Variants in PRELID2 observed in about 807,000 individuals in gnomAD.
PRELID2 encodes PRELI domain containing 2, also known as PRELI domain-containing protein 2.
Under a neutral mutation model 28.4 loss-of-function variants are expected in PRELID2, and 25 were observed. The ratio of observed to expected loss-of-function variants is 0.88; its 90% CI spans 0.64 to 1.23. PRELID2 has a LOEUF of 1.23. Ranked by LOEUF, PRELID2 falls within the 50% of genes most tolerant of loss-of-function variation. The pLI is 0.00. For synonymous variants in PRELID2, 76 were observed against 71.6 expected (o/e 1.06, Z -0.31); for missense variants, 201 against 214.4 (o/e 0.94, Z 0.39).
chr5:145,763,259 T>C (rs2149767305), intron 6 of PRELID2, among the ~76,000 whole-genome samples: 1 of 152,324 alleles, frequency 6.6e-6, no homozygotes, highest in South Asian at 2.1e-4. Flanking sequence ...TTAGTGAGCC[T>C]CACAAATATG....
the PRELID2 span, among the ~76,000 whole-genome samples, chr5:145,279,681 G>C: frequency 6.6e-6 from 1 of 152,010 alleles, no homozygotes; most frequent in Non-Finnish European, 1.5e-5. Flanking sequence ...CCAATTTTTA[G>C]TTTTTCAATT....
the PRELID2 span, among the ~76,000 whole-genome samples, chr5:145,385,417 G>A: frequency 2.6e-5 from 4 of 152,134 alleles, no homozygotes; most frequent in East Asian, 7.7e-4. Context: ...TGCAGAAAAT[G>A]CCTTTGGAAG....
chr5:145,449,432 C>A, the PRELID2 span, among the ~76,000 whole-genome samples: 7 of 152,062 alleles, frequency 4.6e-5, no homozygotes, highest in African/African-American at 1.7e-4. Flanking sequence ...CAGTTGAACT[C>A]CCCTCAATGT....
intron 1 of PRELID2, among the ~76,000 whole-genome samples, chr5:145,529,124 T>C (rs1032595093): frequency 2.0e-5 from 3 of 152,192 alleles, no homozygotes; most frequent in Admixed American, 1.3e-4. Context: ...TATAATGAAA[T>C]ATTGTGAAAC....
chr5:145,816,289 C>T (rs1423819103), intron 4 of PRELID2, among the ~76,000 whole-genome samples: 6 of 151,764 alleles, frequency 4.0e-5, no homozygotes, highest in Non-Finnish European at 8.8e-5. Flanking sequence ...TGCCATGTGA[C>T]TAGGGTGGTC....
chr5:145,384,387 T>A, the PRELID2 span, among the ~76,000 whole-genome samples: 2 of 152,172 alleles, frequency 1.3e-5, no homozygotes, highest in South Asian at 4.2e-4. Flanking sequence ...GGATACAAAC[T>A]CTAATATATT....
intron 3 of PRELID2, 142 bp from the exon 4 acceptor site, chr5:145,818,196 CGTTT>C: frequency 1.2e-6 from 1 of 827,034 alleles, no homozygotes; most frequent in Admixed American, 2.8e-5. Flanking sequence ...AGTGGCTGTA[CGTTT>C]TTGATAATCA....
At chr5:145,767,208 C>A (rs1165154458) in intron 5 of PRELID2, among the ~76,000 whole-genome samples, 3 of 147,178 alleles carry the variant, frequency 2.0e-5, no homozygotes, top group Admixed American at 1.4e-4. Context: ...GGAGAAGAAG[C>A]AGCTGGACAT....
the PRELID2 span, among the ~76,000 whole-genome samples, chr5:145,256,810 T>G: frequency 9.9e-5 from 15 of 151,874 alleles, 1 homozygote; most frequent in Middle Eastern, 3.2e-3. Context: ...GAAAAGTAGT[T>G]GAGGCTAAAA....
the PRELID2 span, among the ~76,000 whole-genome samples, chr5:145,331,309 G>A: frequency 6.6e-6 from 1 of 152,146 alleles, no homozygotes; most frequent in African/African-American, 2.4e-5. Context: ...CAAGAGCTGA[G>A]TTCATGTCCT....
chr5:145,735,606 A>G (rs1756475271), intron 1 of PRELID2, among the ~76,000 whole-genome samples: 1 of 152,244 alleles, frequency 6.6e-6, no homozygotes, highest in African/African-American at 2.4e-5. Flanking sequence ...TTAGCATTAC[A>G]TGACATTACT....
At chr5:145,731,693 T>C (rs1037848113) in intron 1 of PRELID2, among the ~76,000 whole-genome samples, 2 of 152,214 alleles carry the variant, frequency 1.3e-5, no homozygotes, top group African/African-American at 2.4e-5. Flanking sequence ...AAAAGAGTTT[T>C]TGTCTCCATT....
the PRELID2 span, among the ~76,000 whole-genome samples, chr5:145,414,144 T>C: frequency 2.0e-5 from 3 of 152,150 alleles, no homozygotes; most frequent in South Asian, 6.2e-4. Flanking sequence ...CAATATACCA[T>C]ATCCCTTCCT....
chr5:145,539,095 GA>G (rs1752726192), intron 1 of PRELID2, among the ~76,000 whole-genome samples: 2 of 151,880 alleles, frequency 1.3e-5, no homozygotes, highest in African/African-American at 2.4e-5. Flanking sequence ...TAAGACAGCC[GA>G]AACAAGGAGC....
the PRELID2 span, among the ~76,000 whole-genome samples, chr5:145,255,870 T>C: frequency 6.6e-6 from 1 of 150,512 alleles, no homozygotes; most frequent in Non-Finnish European, 1.5e-5. Flanking sequence ...TATCAAATTG[T>C]AAAATATACA....
At chr5:145,263,074 G>A in the PRELID2 span, among the ~76,000 whole-genome samples, 1 of 151,770 alleles carries the variant, frequency 6.6e-6, no homozygotes, top group Non-Finnish European at 1.5e-5. Context: ...TTTAACAGCA[G>A]TTAAAAAAGA....
chr5:145,474,595 T>A (rs1561490082), intron 1 of PRELID2, among the ~76,000 whole-genome samples: 1 of 152,114 alleles, frequency 6.6e-6, no homozygotes, highest in African/African-American at 2.4e-5. Context: ...CCAATTATCC[T>A]CCTAAGCAGT....
chr5:145,296,876 T>A, the PRELID2 span, among the ~76,000 whole-genome samples: 1 of 152,218 alleles, frequency 6.6e-6, no homozygotes, highest in Non-Finnish European at 1.5e-5. Flanking sequence ...TTTTTAATGA[T>A]TGTCATTCTA....
chr5:145,594,291 T>A (rs564302436), intron 1 of PRELID2, among the ~76,000 whole-genome samples: 1 of 152,316 alleles, frequency 6.6e-6, no homozygotes, highest in African/African-American at 2.4e-5. Flanking sequence ...AATGAGTTTA[T>A]CTTTTATCAT....
Sources: gnomAD v4.1 joint callset for allele counts (sites outside exome capture counted in the v4.1 genomes callset) on GRCh38, gnomAD v4.1.1 for gene constraint, MANE v1.5 for transcripts, NCBI Gene and HGNC (gene_info 2026-07-23, HGNC 2026-07-21) for gene names.